PPP1R37: variants seen among roughly 807,000 people sequenced by gnomAD.
PPP1R37 encodes the protein leucine rich repeat containing 68.
In PPP1R37, 21 loss-of-function variants were observed where a neutral mutation model predicts 61.0. The observed-to-expected ratio is 0.34, with a 90% CI of 0.24 to 0.50. The LOEUF is 0.50. Among genes scored for constraint, PPP1R37 ranks in the 20% least tolerant of loss-of-function variants. The pLI, the probability that PPP1R37 is intolerant of heterozygous loss-of-function variation, is 0.98. For missense variants in PPP1R37, 910 were observed against 952.7 expected, an observed-to-expected ratio of 0.96 and a Z score of 0.59; for synonymous variants, 443 against 433.5, an observed-to-expected ratio of 1.02 and a Z score of -0.27.
chr19:45,111,518 C>T (rs550955131), intron 1 of PPP1R37, among the ~76,000 whole-genome samples: 13 of 152,294 alleles, frequency 8.5e-5, no homozygotes, highest in East Asian at 5.8e-4. Flanking sequence ...TCAGGTGATC[C>T]GCCTGCCTCG....
chr19:45,131,753 A>G (rs969559402), intron 1 of PPP1R37, among the ~76,000 whole-genome samples: 11 of 152,202 alleles, frequency 7.2e-5, no homozygotes, highest in Admixed American at 2.0e-4. Context: ...TATTAGCACT[A>G]TGCATTACAC....
Position 45,145,651 on chromosome 19 carries a change from T to A in PPP1R37, c.1595T>A (p.Val532Glu), listed in dbSNP as rs1968683886. 1 of 1,535,274 alleles carries A rather than the reference T, an allele frequency of 6.5e-7. No homozygotes were observed. Among genetic ancestry groups the A allele is most frequent in the African/African-American group, 1.4e-5 (1 of 72,922 alleles). The change falls in exon 11 of 13, where the codon GTG becomes GAG. Residue 532 changes from valine (V) to glutamate (E), a missense_variant. Transcript: ENST00000221462. ...ERDETPCPALVPPTDSLGPGD... is the reference protein window; with the variant it reads ...ERDETPCPALEPPTDSLGPGD... Reference sequence around the variant, plus strand: ...GACGAGACCCCCTGTCCTGCCCTGGTGCCCCCCACGGACTCCCTGGGCCCT... The same window carrying A: ...GACGAGACCCCCTGTCCTGCCCTGGAGCCCCCCACGGACTCCCTGGGCCCT...
Position 45,140,540 on chromosome 19 carries a change from GGA to G in PPP1R37, c.382_383del (p.Glu128ArgfsTer20), listed in dbSNP as rs1398683920. ...TTGACTACAAGACCTGTGAGGCCCT[GGA>G]AGAGGTCTTCAAGAGGCTGCAGTTC... Reference protein sequence around the residue: ...KLDYKTCEALEEVFKRLQFKV... With the variant: ...KLDYKTCEALXEVFKRLQFKV... On this transcript the variant is annotated frameshift_variant, in exon 4 of 13. Coordinates refer to ENST00000221462, the MANE Select transcript of PPP1R37 (RefSeq NM_019121.2). LOFTEE classifies it high-confidence loss of function. 6.5e-7 allele frequency: 1 copy of G among 1,535,960 alleles called. No homozygotes were observed. The highest frequency in any genetic ancestry group is 8.7e-7 in the Non-Finnish European group (1 of 1,146,884).
At chr19:45,145,033 G>A (rs1968668743) in intron 9 of PPP1R37, 38 bp downstream of exon 9, 2 of 1,521,582 alleles carry the variant, frequency 1.3e-6, no homozygotes, top group Non-Finnish European at 1.8e-6. Flanking sequence ...GGGCTGGTGG[G>A]CTCAGCCGGG....
chr19:45,138,711 A>C lies in PPP1R37; in HGVS notation c.300+100A>C, dbSNP rs1350362119. On this transcript the variant is annotated intron_variant, in intron 2 of 12. Transcript: ENST00000221462. ...AGAGGGCCTCCCACTCCCCAGCCCC[A>C]GGTGTTCATGAATACATCTTTGAAA... 8.5e-6 allele frequency: 6 copies of C among 709,764 alleles called. No individual in the cohort carries two copies. The East Asian group carries it at 1.4e-4, about 16-fold the overall frequency. The allele number at this position is 709,764 out of a possible 1,614,324, so 44.0% of individuals were successfully genotyped here. A position where few individuals can be genotyped will look rare whatever the true frequency, so the allele number is the denominator to read the frequency against.
At chr19:45,139,860 G>A (rs1476408878) in intron 2 of PPP1R37, among the ~76,000 whole-genome samples, 3 of 152,240 alleles carry the variant, frequency 2.0e-5, no homozygotes, top group Admixed American at 2.0e-4. Context: ...GAAGCCTCCT[G>A]TGCCCAGCCT....
At chr19:45,116,913 T>TTC (rs1968275316) in intron 1 of PPP1R37, among the ~76,000 whole-genome samples, 1 of 140,420 alleles carries the variant, frequency 7.1e-6, no homozygotes, top group Non-Finnish European at 1.5e-5. Context: ...GGAGGTGACT[T>TTC]TTTTTTTTTT....
At chr19:45,136,681 G>A (rs993116046) in intron 1 of PPP1R37, among the ~76,000 whole-genome samples, 1 of 152,202 alleles carries the variant, frequency 6.6e-6, no homozygotes, top group African/African-American at 2.4e-5. Flanking sequence ...GAAGTGCTCA[G>A]GCAGGGACCA....
rs1215030255 is a variant in PPP1R37 at position 45,145,753 on chromosome 19, A to C, written c.1697A>C (p.His566Pro). 1.3e-6 allele frequency: 2 copies of C among 1,526,568 alleles called. No individual in the cohort carries two copies. Among genetic ancestry groups the C allele is most frequent in the Admixed American group, 4.0e-5 (2 of 50,160 alleles). 94.6% of individuals were successfully genotyped at this position (1,526,568 alleles called of 1,614,324 possible). ...RISVSSPGRG[H>P]KVFVVTRVES... is the part of the protein sequence containing the mutation. ...TCCGTGTCCAGCCCGGGCCGGGGCC[A>C]CAAGGTGTTTGTGGTGACCCGGGTG... Residue 566 changes from histidine (H) to proline (P), a missense_variant, in exon 11 of 13, where the codon CAC (histidine) becomes CCC (proline). His to Pro is a moderately conservative substitution (Grantham distance 77, BLOSUM62 -2). This residue lies in a region of PPP1R37 where 549 missense variants were observed against 505.1 expected (regional missense o/e 1.09). Coordinates refer to ENST00000221462, the MANE Select transcript of PPP1R37 (RefSeq NM_019121.2).
chr19:45,141,952 C>T, intron 5 of PPP1R37, 109 bp from the exon 6 acceptor site: 1 of 1,203,094 alleles, frequency 8.3e-7, no homozygotes. Flanking sequence ...CTCATTGAGA[C>T]ATGGGGGCAC....
intron 1 of PPP1R37, among the ~76,000 whole-genome samples, chr19:45,096,386 C>A (rs1967993844): frequency 6.6e-6 from 1 of 152,156 alleles, no homozygotes; most frequent in African/African-American, 2.4e-5. Flanking sequence ...GTTTGGCTTT[C>A]ATTCAGTAAG....
At position 45,145,679 on chromosome 19, in the gene PPP1R37, G is replaced by A. The variant is rs778059652; in HGVS notation, c.1623G>A (p.Gly541=). ...CCCCCACGGACTCCCTGGGCCCTGG[G>A]GACAGGAGTCCCCCAGGCAGCCCCT... is the stretch of plus-strand genomic sequence containing the variant. The part of the protein sequence containing the change: ...LVPPTDSLGP[G]DRSPPGSPST... Residue 541 remains glycine, a synonymous_variant, in exon 11 of 13, where the codon GGG becomes GGA. Coordinates refer to ENST00000221462, the MANE Select transcript of PPP1R37 (RefSeq NM_019121.2). The A allele has an allele frequency of 4.8e-4, 737 of 1,535,164 alleles. No homozygotes were observed. The highest frequency in any genetic ancestry group is 5.8e-4 in the Non-Finnish European group (664 of 1,146,498).
chr19:45,132,523 ACTC>A (rs1345566050), intron 1 of PPP1R37, among the ~76,000 whole-genome samples: 6 of 151,234 alleles, frequency 4.0e-5, no homozygotes, highest in African/African-American at 9.7e-5. Context: ...CTGGTCTTGA[ACTC>A]CTGGTTTCAA....
Position 45,146,466 on chromosome 19 carries a change from A to G in PPP1R37, c.2070A>G (p.Thr690=). The change falls in exon 12 of 13, where the codon ACA becomes ACG. Residue 690 remains threonine, a synonymous_variant. Transcript: ENST00000221462. The part of the protein sequence containing the change: ...LEASQESGQE[T]L ...CCAGTCAGGAATCCGGGCAGGAGAC[A>G]CTGTGACACTTTAGGTGAGGCCAGG... 6.5e-7 allele frequency: 1 copy of G among 1,535,202 alleles called. No individual in the cohort carries two copies. The highest frequency in any genetic ancestry group is 8.7e-7 in the Non-Finnish European group (1 of 1,146,364).
chr19:45,127,571 T>C (rs1968423035), intron 1 of PPP1R37, among the ~76,000 whole-genome samples: 1 of 152,124 alleles, frequency 6.6e-6, no homozygotes, highest in South Asian at 2.1e-4. Context: ...ACCGGCTGCA[T>C]ATGCAGTCCA....
intron 1 of PPP1R37, among the ~76,000 whole-genome samples, chr19:45,108,251 T>A (rs1416002205): frequency 6.6e-6 from 1 of 152,124 alleles, no homozygotes. Context: ...GATCTGTCCC[T>A]CAAGCTGGAG....
intron 1 of PPP1R37, among the ~76,000 whole-genome samples, chr19:45,115,867 G>A (rs766829577): frequency 3.3e-5 from 5 of 151,938 alleles, no homozygotes; most frequent in Non-Finnish European, 7.4e-5. Context: ...CCACCTACTC[G>A]GGAGGCTGAG....
At chr19:45,104,355 C>T (rs1369427665) in intron 1 of PPP1R37, among the ~76,000 whole-genome samples, 4 of 152,154 alleles carry the variant, frequency 2.6e-5, no homozygotes, top group Non-Finnish European at 4.4e-5. Context: ...TTAAGGACTC[C>T]GGGCAAAGTG....
Position 45,093,361 on chromosome 19 carries a change from G to T in PPP1R37, c.36G>T (p.Pro12=). 6.6e-7 allele frequency: 1 copy of T among 1,508,184 alleles called. No homozygotes were observed. Among genetic ancestry groups the T allele is most frequent in the Non-Finnish European group, 8.8e-7 (1 of 1,131,452 alleles). The allele number at this position is 1,508,184 out of a possible 1,614,324, so 93.4% of individuals were successfully genotyped here. ...EIAPQEAPPV[P]GADGDIEEAP... is the part of the protein sequence containing the mutation. ...CGCCGCAGGAGGCGCCGCCCGTGCC[G>T]GGCGCGGACGGCGACATTGAAGAGG... The change falls in exon 1 of 13, where the codon CCG becomes CCT. Residue 12 remains proline (P), a synonymous_variant. Transcript: ENST00000221462.
Sources: allele counts gnomAD v4.1 joint callset (sites outside exome capture counted in the v4.1 genomes callset), GRCh38; gene constraint gnomAD v4.1.1; regional missense constraint gnomAD v4.1.1; transcripts MANE v1.5; gene names NCBI Gene and HGNC (gene_info 2026-07-23, HGNC 2026-07-21).